The following GLRA2 variants were observed in gnomAD, a reference collection of about 807,000 sequenced individuals.
The protein encoded by GLRA2 is glycine receptor subunit alpha-2.
GLRA2 carries 11 observed loss-of-function variants against 31.6 expected under a neutral mutation model. That is an observed-to-expected ratio of 0.35 (90% CI 0.22 to 0.58). The LOEUF (loss-of-function observed/expected upper bound fraction) is 0.58. Ranked by LOEUF, GLRA2 falls within the 20% of genes least tolerant of loss-of-function variation. GLRA2 has a pLI of 0.84. For synonymous variants in GLRA2, 132 were observed against 134.0 expected (o/e 0.99, Z 0.10); for missense variants, 212 against 351.8 (o/e 0.60, Z 3.18).
chrX:14,726,627 A>C (rs926727681), intron 8 of GLRA2, among the ~76,000 whole-genome samples: 3 of 112,396 alleles, frequency 2.7e-5, no homozygotes, highest in African/African-American at 9.7e-5. Flanking sequence ...TTAAGCCCCC[A>C]CAGTTTGCAT....
chrX:14,486,076 G>GA, the GLRA2 span, among the ~76,000 whole-genome samples: 2 of 111,002 alleles, frequency 1.8e-5, no homozygotes, highest in Non-Finnish European at 3.8e-5. Flanking sequence ...AGACTAGTGG[G>GA]AAAAAAGAGA....
intron 7 of GLRA2, among the ~76,000 whole-genome samples, chrX:14,615,697 C>G (rs1364702726): frequency 9.0e-6 from 1 of 110,620 alleles, no homozygotes; most frequent in Non-Finnish European, 1.9e-5. Flanking sequence ...TGAGGACCTT[C>G]TACTCATAAT....
intron 8 of GLRA2, among the ~76,000 whole-genome samples, chrX:14,717,179 A>T (rs1375908995): frequency 9.0e-6 from 1 of 110,569 alleles, no homozygotes; most frequent in Non-Finnish European, 1.9e-5. Flanking sequence ...ATGGATTGAC[A>T]GATGAGGTCA....
chrX:14,705,029 T>G (rs2091600549), intron 8 of GLRA2, among the ~76,000 whole-genome samples: 1 of 112,472 alleles, frequency 8.9e-6, no homozygotes, highest in Admixed American at 9.4e-5. Context: ...GCAGCATTTG[T>G]AAAGTTCATT....
chrX:14,542,836 G>A (rs1032966117), intron 2 of GLRA2, among the ~76,000 whole-genome samples: 17 of 109,958 alleles, frequency 1.5e-4, no homozygotes, highest in African/African-American at 5.6e-4. Context: ...AAGAGAGGAG[G>A]TATAATGAGT....
At chrX:14,589,537 G>A (rs1416544816) in intron 4 of GLRA2, among the ~76,000 whole-genome samples, 1 of 104,732 alleles carries the variant, frequency 9.5e-6, no homozygotes, top group Non-Finnish European at 1.9e-5. Flanking sequence ...CGGGCATGGT[G>A]TCGGGTGCCT....
the GLRA2 span, among the ~76,000 whole-genome samples, chrX:14,498,682 A>G: frequency 2.1e-4 from 23 of 111,073 alleles, no homozygotes; most frequent in African/African-American, 7.2e-4. Flanking sequence ...TAGCCGCCCT[A>G]CTGATCCATC....
intron 2 of GLRA2, among the ~76,000 whole-genome samples, chrX:14,568,829 T>C (rs2089845490): frequency 8.9e-6 from 1 of 112,189 alleles, no homozygotes; most frequent in Admixed American, 9.4e-5. Flanking sequence ...TACCTAAATG[T>C]AAGCGTTAAA....
intron 4 of GLRA2, among the ~76,000 whole-genome samples, chrX:14,587,121 G>A (rs990989619): frequency 8.9e-6 from 1 of 111,754 alleles, no homozygotes; most frequent in Non-Finnish European, 1.9e-5. Flanking sequence ...TTGCAGCAAA[G>A]GGCATCATTT....
intron 7 of GLRA2, among the ~76,000 whole-genome samples, chrX:14,671,103 A>G (rs2091088085): frequency 8.9e-6 from 1 of 112,094 alleles, no homozygotes; most frequent in African/African-American, 3.2e-5. Flanking sequence ...TAGGTCCTAA[A>G]TTGATTTGGT....
At chrX:14,491,016 A>G in the GLRA2 span, among the ~76,000 whole-genome samples, 14 of 111,698 alleles carry the variant, frequency 1.3e-4, no homozygotes, top group African/African-American at 4.6e-4. Flanking sequence ...ATTTGAATTC[A>G]GCTCTCAGAA....
At chrX:14,522,358 A>G in the GLRA2 span, among the ~76,000 whole-genome samples, 1 of 111,889 alleles carries the variant, frequency 8.9e-6, no homozygotes, top group African/African-American at 3.3e-5. Flanking sequence ...TTCTCTTGCT[A>G]TTTTCACCAC....
At chrX:14,506,418 C>A in the GLRA2 span, among the ~76,000 whole-genome samples, 1 of 111,119 alleles carries the variant, frequency 9.0e-6, no homozygotes, top group Non-Finnish European at 1.9e-5. Flanking sequence ...ATTTTCCACC[C>A]TGCATTTGGA....
At chrX:14,518,781 C>T in the GLRA2 span, among the ~76,000 whole-genome samples, 27 of 106,614 alleles carry the variant, frequency 2.5e-4, no homozygotes, top group East Asian at 8.8e-4. Flanking sequence ...GAGGCCACGG[C>T]GGACCGATCA....
intron 7 of GLRA2, among the ~76,000 whole-genome samples, chrX:14,679,100 A>ACACCAC (rs748032911): frequency 5.8e-4 from 64 of 109,865 alleles, no homozygotes; most frequent in African/African-American, 2.0e-3. Context: ...CTCAACATAC[A>ACACCAC]CACCACCACC....
chrX:14,709,890 GAA>G (rs1467195412), intron 8 of GLRA2, among the ~76,000 whole-genome samples: 2 of 112,150 alleles, frequency 1.8e-5, no homozygotes, highest in African/African-American at 3.2e-5. Context: ...ATTCATTAAA[GAA>G]GAGCTAGCTT....
At chrX:14,467,949 A>G in the GLRA2 span, among the ~76,000 whole-genome samples, 2 of 111,675 alleles carry the variant, frequency 1.8e-5, no homozygotes, top group Non-Finnish European at 3.8e-5. Flanking sequence ...TTGCTTCTTA[A>G]GTGGGTCAAT....
intron 8 of GLRA2, among the ~76,000 whole-genome samples, chrX:14,702,696 T>C (rs2038099632): frequency 9.0e-6 from 1 of 111,545 alleles, no homozygotes; most frequent in East Asian, 2.8e-4. Flanking sequence ...AATCAAGGTA[T>C]TGGCAGGACT....
intron 8 of GLRA2, among the ~76,000 whole-genome samples, chrX:14,704,137 G>A (rs1271039418): frequency 8.9e-6 from 1 of 112,099 alleles, no homozygotes; most frequent in Non-Finnish European, 1.9e-5. Flanking sequence ...TCTAGGAGCA[G>A]CAAGTGTCAA....
Sources: gnomAD v4.1 joint callset for allele counts (sites outside exome capture counted in the v4.1 genomes callset) on GRCh38, gnomAD v4.1.1 for gene constraint, MANE v1.5 for transcripts, NCBI Gene and HGNC (gene_info 2026-07-23, HGNC 2026-07-21) for gene names.